Variants in HLTF observed in about 807,000 individuals in gnomAD.
The protein encoded by HLTF is helicase like transcription factor.
A neutral mutation model predicts 129.4 loss-of-function variants in HLTF; 127 were observed. That is an observed-to-expected ratio of 0.98 (90% confidence interval 0.85 to 1.14). HLTF has a LOEUF of 1.14. Ranked by LOEUF, HLTF falls within the 50% of genes most tolerant of loss-of-function variation. HLTF has a pLI of 0.00. For synonymous variants in HLTF, 332 were observed against 388.8 expected, an observed-to-expected ratio of 0.85 and a Z score of 1.72; for missense variants, 1,139 against 1,187.1, an observed-to-expected ratio of 0.96 and a Z score of 0.60.
At chr3:149,071,723 C>A in intron 5 of HLTF, 66 bp from the exon 6 acceptor site, 1 of 1,019,184 alleles carries the variant, frequency 9.8e-7, no homozygotes, top group South Asian at 1.5e-5. Context: ...GCATTTAAGT[C>A]AGATTTGAAA....
rs1283287172 is a variant in HLTF at position 149,063,453 on chromosome 3, A to T, written c.1138T>A (p.Leu380Met). 1 of 1,605,842 alleles carries T rather than the reference A, an allele frequency of 6.2e-7. No individual in the cohort carries two copies. The highest frequency in any genetic ancestry group is 1.1e-5 in the South Asian group (1 of 90,886). ...TACCTTTTGGGGCGGGAGCTAGACA[A>T]TTCTGACATGCGAAACTTACTCTTC... The part of the protein sequence containing the change: ...KEKSKFRMSE[L>M]SSSRPKRRKT... The change falls in exon 10 of 25, where the codon TTG becomes ATG. Residue 380 changes from leucine to methionine, a missense_variant. By Grantham distance (15) the Leu-to-Met change is conservative. Coordinates refer to ENST00000310053, the MANE Select transcript of HLTF (RefSeq NM_003071.4).
rs1716518792 is a variant in HLTF, at chr3:149,046,027, G to A, written c.2072+53C>T. ...ATCTAAATAATGTCATTCAGTGAAT[G>A]GGAAACAAAGTAAACAAAAACTAAT... On this transcript the variant is annotated intron_variant, in intron 18 of 24. Coordinates refer to ENST00000310053, the MANE Select transcript of HLTF (RefSeq NM_003071.4). The A allele has an allele frequency of 1.4e-5, 18 of 1,297,214 alleles. No individual in the cohort carries two copies. The South Asian group carries it at 2.3e-4, about 17-fold the overall frequency. The allele number at this position is 1,297,214 out of a possible 1,614,324, so 80.4% of individuals were successfully genotyped here. A position where few individuals can be genotyped will look rare whatever the true frequency, so the allele number is the denominator to read the frequency against.
chr3:149,036,580 C>T (rs942645450), intron 23 of HLTF, among the ~76,000 whole-genome samples: 5 of 151,910 alleles, frequency 3.3e-5, no homozygotes, highest in Admixed American at 6.6e-5. Flanking sequence ...TGAGCCTCCG[C>T]GCCAGGCCAT....
chr3:149,050,023 G>T lies in HLTF; in HGVS notation c.1617+209C>A, dbSNP rs117041763. ...AGGGGGAGGGGAGGAGTGGAGAAAAGAAAAATACTCCTAAATTAGCATCTA... is the reference window on the plus strand; with the variant it reads ...AGGGGGAGGGGAGGAGTGGAGAAAATAAAAATACTCCTAAATTAGCATCTA... On this transcript the variant is annotated intron_variant, in intron 15 of 24. Transcript: ENST00000310053. Among the ~76,000 whole-genome samples, 138 of 146,780 alleles carry T rather than the reference G, an allele frequency of 9.4e-4. 1 individual carries two copies. In the East Asian group the frequency reaches 0.022, roughly 24 times the overall value.
chr3:149,063,588 C>G, intron 9 of HLTF, 64 bp from the exon 10 acceptor site: 2 of 898,568 alleles, frequency 2.2e-6, no homozygotes, highest in South Asian at 3.0e-5. Flanking sequence ...AGTATTATCC[C>G]TCTTAAAACC....
chr3:149,077,861 T>G (rs1219061177), intron 2 of HLTF, among the ~76,000 whole-genome samples: 1 of 152,116 alleles, frequency 6.6e-6, no homozygotes, highest in Non-Finnish European at 1.5e-5. Flanking sequence ...AATGTACGAT[T>G]TATTAGTTCC....
At chr3:149,062,635 A>G (rs1718040338) in intron 10 of HLTF, among the ~76,000 whole-genome samples, 1 of 152,246 alleles carries the variant, frequency 6.6e-6, no homozygotes, top group South Asian at 2.1e-4. Flanking sequence ...TCTTTTATTC[A>G]AATTCTCCCT....
chr3:149,032,309 C>G lies in HLTF; in HGVS notation c.2941G>C (p.Ala981Pro). Residue 981 changes from alanine to proline, a missense_variant, in exon 25 of 25, where the codon GCA becomes CCA. By Grantham distance (27) the Ala-to-Pro change is conservative. Coordinates refer to ENST00000310053, the MANE Select transcript of HLTF (RefSeq NM_003071.4). ...LKIQNKKREL[A>P]AGAFGTKKPN... ...TTTTTAGTTCCAAAGGCTCCTGCTGCAAGTTCTCTCTTTTTGTTTTGTATT... is the reference window on the plus strand; with the variant it reads ...TTTTTAGTTCCAAAGGCTCCTGCTGGAAGTTCTCTCTTTTTGTTTTGTATT... 6.3e-7 allele frequency: 1 copy of G among 1,598,568 alleles called. No individual in the cohort carries two copies. Among genetic ancestry groups the G allele is most frequent in the Non-Finnish European group, 8.5e-7 (1 of 1,172,320 alleles).
At position 149,048,850 on chromosome 3, in the gene HLTF, A is replaced by G; in HGVS notation, c.1756+13T>C. 6.2e-7 allele frequency: 1 copy of G among 1,603,898 alleles called. No individual in the cohort carries two copies. The stretch of plus-strand genomic sequence containing the variant: ...GAGATTTAAGGTTTTAGTAAGTTTA[A>G]TGCTATGATTACCTGTCAAAACCCA... On this transcript the variant is annotated intron_variant, in intron 16 of 24. Coordinates refer to ENST00000310053, the MANE Select transcript of HLTF (RefSeq NM_003071.4).
Position 149,071,340 on chromosome 3 carries a change from T to C in HLTF, c.806A>G (p.Asp269Gly), listed in dbSNP as rs114322607. ...ATTTGTTATTGTGTTATAGTATAAG[T>C]CATTTCGCTGTTCCCAGAATGGTGG... Reference protein sequence around the residue: ...ELPPFWEQRNDLYYNTITNFS... With the variant: ...ELPPFWEQRNGLYYNTITNFS... Residue 269 changes from aspartate (D) to glycine (G), a missense_variant, in exon 7 of 25, where the codon GAC becomes GGC. Transcript: ENST00000310053. The C allele has an allele frequency of 3.4e-3, 5,540 of 1,612,292 alleles. 170 individuals carry two copies. The African/African-American group carries it at 0.063, about 18-fold the overall frequency.
chr3:149,051,635 T>C (rs1576590622), intron 14 of HLTF, among the ~76,000 whole-genome samples: 1 of 151,970 alleles, frequency 6.6e-6, no homozygotes. Context: ...CCAAGGCGGG[T>C]GGATCACTTG....
intron 24 of HLTF, 41 bp downstream of exon 24, chr3:149,034,877 C>G: frequency 7.6e-7 from 1 of 1,310,926 alleles, no homozygotes; most frequent in Non-Finnish European, 1.1e-6. Flanking sequence ...TTGTAAAAAT[C>G]GTATCAACCT....
chr3:149,056,457 T>C (rs1165837319), intron 13 of HLTF, among the ~76,000 whole-genome samples: 1 of 152,234 alleles, frequency 6.6e-6, no homozygotes, highest in Non-Finnish European at 1.5e-5. Context: ...ATTTTCACAC[T>C]AATTTCAAAA....
intron 24 of HLTF, among the ~76,000 whole-genome samples, chr3:149,034,108 GT>G (rs1450670565): frequency 6.6e-6 from 1 of 152,026 alleles, no homozygotes; most frequent in Non-Finnish European, 1.5e-5. Context: ...TATACTCAAG[GT>G]TTTAGGTAAA....
intron 7 of HLTF, 131 bp from the exon 8 acceptor site, chr3:149,068,466 A>G (rs1490686226): frequency 2.2e-6 from 1 of 453,342 alleles, no homozygotes; most frequent in Non-Finnish European, 3.9e-6. Flanking sequence ...CTGTATATTA[A>G]TGAAAAATGA....
At chr3:149,059,668 T>C in intron 13 of HLTF, 50 bp downstream of exon 13, 8 of 1,132,036 alleles carry the variant, frequency 7.1e-6, no homozygotes, top group Non-Finnish European at 1.0e-5. Context: ...ATTTTTTCAT[T>C]CAAAAACAGA....
chr3:149,076,095 A>G (rs1719332550), intron 2 of HLTF, 48 bp from the exon 3 acceptor site: 1 of 720,610 alleles, frequency 1.4e-6, no homozygotes, highest in East Asian at 2.9e-5. Context: ...ATAATAGACA[A>G]TAACTTTGTT....
intron 22 of HLTF, 52 bp from the exon 23 acceptor site, chr3:149,039,281 A>G: frequency 7.9e-7 from 1 of 1,272,056 alleles, no homozygotes; most frequent in South Asian, 2.0e-5. Context: ...TTATAAAAAT[A>G]AAACAAAGTT....
At chr3:149,048,311 A>G (rs1716719158) in intron 16 of HLTF, 148 bp from the exon 17 acceptor site, 1 of 518,802 alleles carries the variant, frequency 1.9e-6, no homozygotes, top group East Asian at 3.2e-5. Context: ...TCAAGTGTTG[A>G]CTATAATCAT....
Sources: allele counts gnomAD v4.1 joint callset (sites outside exome capture counted in the v4.1 genomes callset), GRCh38; gene constraint gnomAD v4.1.1; transcripts MANE v1.5; gene names NCBI Gene and HGNC (gene_info 2026-07-23, HGNC 2026-07-21).